CCDC141: variants seen among roughly 807,000 people sequenced by gnomAD.
The protein encoded by CCDC141 is coiled-coil domain-containing protein 141.
In CCDC141, 168 loss-of-function variants were observed where a neutral mutation model predicts 181.0. The observed-to-expected ratio is 0.93, with a 90% CI of 0.82 to 1.05. CCDC141 has a LOEUF of 1.05. Among genes scored for constraint, CCDC141 ranks in the 50% least tolerant of loss-of-function variants. CCDC141 has a pLI of 0.00. For missense variants in CCDC141, 1,902 were observed against 1,788.5 expected, an observed-to-expected ratio of 1.06 and a Z score of -1.14; for synonymous variants, 666 against 642.3, an observed-to-expected ratio of 1.04 and a Z score of -0.56.
At chr2:178,868,626 A>G (rs1575149663) in intron 15 of CCDC141, among the ~76,000 whole-genome samples, 2 of 151,544 alleles carry the variant, frequency 1.3e-5, no homozygotes, top group South Asian at 4.2e-4. Context: ...AAAAAAAAAA[A>G]AATCTAACTT....
chr2:178,931,170 T>C (rs1191375389), intron 6 of CCDC141, among the ~76,000 whole-genome samples: 1 of 151,880 alleles, frequency 6.6e-6, no homozygotes, highest in Non-Finnish European at 1.5e-5. Flanking sequence ...AAATGAAAAA[T>C]AACAAGTGCT....
chr2:178,865,835 C>G lies in CCDC141; in HGVS notation c.2656G>C (p.Ala886Pro). Reference sequence around the variant, plus strand: ...GACAGGGTCCGTCCATACTCCTCAGCTTTGGCACGCCACTTCATGCTGTCC... The same window carrying G: ...GACAGGGTCCGTCCATACTCCTCAGGTTTGGCACGCCACTTCATGCTGTCC... ...EEDSMKWRAK[A>P]EEYGRTLSRS... Residue 886 changes from alanine to proline, a missense_variant, in exon 17 of 24, where the codon GCT (alanine) becomes CCT (proline). Physicochemically the swap from Ala to Pro is conservative, Grantham distance 27. Coordinates refer to ENST00000443758, the MANE Select transcript of CCDC141 (RefSeq NM_173648.4). The G allele has an allele frequency of 1.2e-6, 2 of 1,607,868 alleles. No individual in the cohort carries two copies. The highest frequency in any genetic ancestry group is 1.7e-6 in the Non-Finnish European group (2 of 1,176,870).
chr2:179,049,607 A>T (rs1248455706), intron 1 of CCDC141, among the ~76,000 whole-genome samples: 10 of 134,276 alleles, frequency 7.4e-5, no homozygotes, highest in Non-Finnish European at 1.1e-4. Flanking sequence ...TTTTTTTTTT[A>T]AATCAAGCTG....
chr2:178,943,510 A>T (rs1040163803), intron 6 of CCDC141, among the ~76,000 whole-genome samples: 7 of 152,156 alleles, frequency 4.6e-5, no homozygotes, highest in Non-Finnish European at 1.0e-4. Flanking sequence ...CTAACCTCCC[A>T]GACATGTGAA....
At chr2:179,019,725 C>T (rs537178729) in intron 2 of CCDC141, among the ~76,000 whole-genome samples, 57 of 151,950 alleles carry the variant, frequency 3.8e-4, no homozygotes, top group East Asian at 1.5e-3. Context: ...GTCTATTTTG[C>T]GGTGATGGTA....
chr2:178,952,152 A>C (rs960394195), intron 5 of CCDC141, among the ~76,000 whole-genome samples: 3 of 152,258 alleles, frequency 2.0e-5, no homozygotes, highest in Non-Finnish European at 2.9e-5. Flanking sequence ...ATGAAATGGC[A>C]TTTATGCCCT....
chr2:178,953,960 T>C (rs922285080), intron 5 of CCDC141, among the ~76,000 whole-genome samples: 1 of 152,228 alleles, frequency 6.6e-6, no homozygotes, highest in African/African-American at 2.4e-5. Context: ...ACAAGGAATA[T>C]ACTGCATGAT....
At chr2:178,921,173 C>T (rs1306349302) in intron 6 of CCDC141, among the ~76,000 whole-genome samples, 1 of 152,194 alleles carries the variant, frequency 6.6e-6, no homozygotes, top group East Asian at 1.9e-4. Flanking sequence ...TTCTCAAGAT[C>T]TTTCAATTTT....
intron 22 of CCDC141, 127 bp from the exon 23 acceptor site, chr2:178,837,871 G>C: frequency 9.6e-7 from 1 of 1,045,738 alleles, no homozygotes; most frequent in Non-Finnish European, 1.4e-6. Context: ...TAGGGGGCTG[G>C]AGCAAGAATT....
intron 2 of CCDC141, among the ~76,000 whole-genome samples, chr2:179,011,609 C>T (rs2042272815): frequency 6.6e-6 from 1 of 152,094 alleles, no homozygotes; most frequent in Admixed American, 6.6e-5. Context: ...TAAACCATAC[C>T]TTGGAACAAA....
intron 2 of CCDC141, among the ~76,000 whole-genome samples, chr2:179,015,454 A>ATATATATCTCATATATGTG (rs1553503006): frequency 0.034 from 3,341 of 97,060 alleles, 386 homozygotes; most frequent in African/African-American, 0.091. Flanking sequence ...TCATATATGT[A>ATATATATCTCATATATGTG]CCATATATAT....
At position 178,837,729 on chromosome 2, in the gene CCDC141, C is replaced by T; in HGVS notation, c.3490G>A (p.Ala1164Thr). ...GTTCCATTGATGCCCAAAAGATCTG[C>T]CACCTGCACCTGCCCCTTGAAAAAA... is the stretch of plus-strand genomic sequence containing the variant. ...EERNKGQVQV[A>T]DLLGINGTGE... The change falls in exon 23 of 24, where the codon GCA (alanine) becomes ACA (threonine). Residue 1164 changes from alanine (A) to threonine (T), a missense_variant. Transcript: ENST00000443758. 1 of 1,608,340 alleles carries T rather than the reference C, an allele frequency of 6.2e-7. No individual in the cohort carries two copies. Among genetic ancestry groups the T allele is most frequent in the East Asian group, 2.2e-5 (1 of 44,832 alleles).
chr2:179,004,732 A>T (rs1194341329), intron 2 of CCDC141, among the ~76,000 whole-genome samples: 5 of 150,466 alleles, frequency 3.3e-5, no homozygotes, highest in Admixed American at 1.3e-4. Context: ...TAAAGACTAA[A>T]TTTTTTTTTT....
Position 178,856,261 on chromosome 2 carries a change from A to G in CCDC141, c.2861T>C (p.Met954Thr), listed in dbSNP as rs757178613. The G allele has an allele frequency of 3.1e-6, 5 of 1,604,344 alleles. No homozygotes were observed. The highest frequency in any genetic ancestry group is 1.1e-5 in the South Asian group (1 of 89,532). ...IQQVDMYAEK[M>T]QALKRKMEKV... ...CAAACCATACTTTCTTGTTACCTGC[A>G]TTTTTTCAGCATACATATCAACTTG... The change falls in exon 18 of 24, where the codon ATG (methionine) becomes ACG (threonine). Residue 954 changes from methionine to threonine, a missense_variant. Coordinates refer to ENST00000443758, the MANE Select transcript of CCDC141 (RefSeq NM_173648.4).
intron 2 of CCDC141, among the ~76,000 whole-genome samples, chr2:179,041,964 T>C (rs2043320311): frequency 6.6e-6 from 1 of 152,158 alleles, no homozygotes; most frequent in South Asian, 2.1e-4. Flanking sequence ...ACAATAGTCG[T>C]GGGAGACTTT....
chr2:178,870,631 G>A (rs1332815838), intron 14 of CCDC141, among the ~76,000 whole-genome samples: 1 of 152,066 alleles, frequency 6.6e-6, no homozygotes, highest in Non-Finnish European at 1.5e-5. Context: ...CAGGTGCGGT[G>A]GTTATACTTA....
At chr2:179,005,873 G>T (rs1037618168) in intron 2 of CCDC141, among the ~76,000 whole-genome samples, 1 of 152,188 alleles carries the variant, frequency 6.6e-6, no homozygotes, top group African/African-American at 2.4e-5. Context: ...GCCTCCCAAA[G>T]TGCTGGGATT....
chr2:178,857,550 C>T (rs746399748), intron 17 of CCDC141, among the ~76,000 whole-genome samples: 25 of 152,110 alleles, frequency 1.6e-4, no homozygotes, highest in Non-Finnish European at 2.8e-4. Flanking sequence ...TACCAGTGCA[C>T]CAAATTTCTA....
chr2:178,892,165 T>C (rs1687185805), intron 8 of CCDC141, among the ~76,000 whole-genome samples: 2 of 152,130 alleles, frequency 1.3e-5, no homozygotes, highest in Non-Finnish European at 2.9e-5. Flanking sequence ...AATTTCTTCT[T>C]TGGTATGCTT....
Sources: gnomAD v4.1 joint callset for allele counts (sites outside exome capture counted in the v4.1 genomes callset) on GRCh38, gnomAD v4.1.1 for gene constraint, MANE v1.5 for transcripts, NCBI Gene and HGNC (gene_info 2026-07-23, HGNC 2026-07-21) for gene names.